The following NCALD variants were observed in gnomAD, a reference collection of about 807,000 sequenced individuals.
NCALD encodes neurocalcin delta, also known as neurocalcin-delta.
NCALD carries 10 observed loss-of-function variants against 18.6 expected under a neutral mutation model. The observed-to-expected ratio is 0.54, with a 90% CI of 0.33 to 0.91. NCALD has a LOEUF of 0.91. Ranked by LOEUF, NCALD falls within the 40% of genes least tolerant of loss-of-function variation. The pLI, the probability that NCALD is intolerant of heterozygous loss-of-function variation, is 0.03. For synonymous variants in NCALD, 88 were observed against 87.4 expected, an observed-to-expected ratio of 1.01 and a Z score of -0.04; for missense variants, 184 against 247.6, an observed-to-expected ratio of 0.74 and a Z score of 1.72.
At chr8:102,122,754 A>G (rs779850224) in intron 1 of NCALD, among the ~76,000 whole-genome samples, 1 of 152,204 alleles carries the variant, frequency 6.6e-6, no homozygotes, top group Non-Finnish European at 1.5e-5. Flanking sequence ...GGAGCTATTG[A>G]CGAATGAGCC....
intron 4 of NCALD, among the ~76,000 whole-genome samples, chr8:101,836,079 C>A (rs561824887): frequency 2.0e-4 from 30 of 151,960 alleles, no homozygotes; most frequent in Non-Finnish European, 3.5e-4. Flanking sequence ...ACTGAAGGGA[C>A]GGGGCTGTGG....
Position 102,030,878 on chromosome 8 carries a change from AAAATAAATAAAT to A in NCALD, c.-209-10601_-209-10590del, listed in dbSNP as rs71268540. Among the ~76,000 whole-genome samples the A allele has an allele frequency of 3.3e-5, 5 of 149,536 alleles. No individual in the cohort carries two copies. In the East Asian group the frequency reaches 7.7e-4, roughly 23 times the overall value. On this transcript the variant is annotated intron_variant, in intron 1 of 6. Transcript: ENST00000311028. ...GCAACAGAGTGAGACTCCATCACAA[AAAATAAATAAAT>A]AAATAAATAAATAAAATATAAAGTA... is the stretch of plus-strand genomic sequence containing the variant.
chr8:101,933,266 T>C (rs1375407217), intron 2 of NCALD, among the ~76,000 whole-genome samples: 6 of 152,204 alleles, frequency 3.9e-5, no homozygotes, highest in African/African-American at 7.2e-5. Context: ...GGAGAGATTA[T>C]CTGAAAGCAC....
intron 2 of NCALD, among the ~76,000 whole-genome samples, chr8:101,970,524 T>C (rs1165206736): frequency 1.3e-5 from 2 of 152,156 alleles, no homozygotes; most frequent in Non-Finnish European, 1.5e-5. Flanking sequence ...AAAAAATTGT[T>C]TTGGTTGTAC....
chr8:101,714,210 T>G (rs925696482), intron 2 of NCALD, among the ~76,000 whole-genome samples: 6 of 152,242 alleles, frequency 3.9e-5, no homozygotes, highest in Non-Finnish European at 5.9e-5. Flanking sequence ...TTTTCTCTGT[T>G]TGCAGATGAC....
At chr8:102,043,716 A>G (rs1823137554) in intron 1 of NCALD, among the ~76,000 whole-genome samples, 1 of 134,984 alleles carries the variant, frequency 7.4e-6, no homozygotes, top group African/African-American at 2.8e-5. Flanking sequence ...GGGGCAGGGG[A>G]CAGGGAGGGG....
chr8:102,050,895 A>T (rs528667629), intron 1 of NCALD, among the ~76,000 whole-genome samples: 1 of 146,478 alleles, frequency 6.8e-6, no homozygotes, highest in Non-Finnish European at 1.5e-5. Context: ...TTATTAATTT[A>T]ATTTAATTTT....
intron 1 of NCALD, among the ~76,000 whole-genome samples, chr8:102,101,809 G>C (rs1051382139): frequency 1.6e-4 from 24 of 152,262 alleles, no homozygotes; most frequent in African/African-American, 5.8e-4. Context: ...TTACATGAAG[G>C]GCAACTTAGC....
intron 2 of NCALD, among the ~76,000 whole-genome samples, chr8:101,942,086 G>A (rs1415331116): frequency 1.3e-5 from 2 of 152,148 alleles, no homozygotes; most frequent in Non-Finnish European, 2.9e-5. Context: ...GAAGTGAAAA[G>A]GAGAGAATCC....
chr8:101,942,793 A>T (rs1434993308), intron 2 of NCALD, among the ~76,000 whole-genome samples: 1 of 152,212 alleles, frequency 6.6e-6, no homozygotes, highest in African/African-American at 2.4e-5. Context: ...GTCACATAGC[A>T]AGTAGGTGGT....
chr8:102,086,221 C>T (rs1049715590), intron 1 of NCALD, among the ~76,000 whole-genome samples: 1 of 152,136 alleles, frequency 6.6e-6, no homozygotes, highest in Non-Finnish European at 1.5e-5. Context: ...CTTTTGTGCA[C>T]ATTTTATCAA....
chr8:102,074,089 T>G (rs1777845570), intron 1 of NCALD, among the ~76,000 whole-genome samples: 1 of 152,192 alleles, frequency 6.6e-6, no homozygotes, highest in African/African-American at 2.4e-5. Flanking sequence ...ATTCACCCAG[T>G]GACATTTACT....
At chr8:101,848,750 G>A (rs1357663858) in intron 4 of NCALD, among the ~76,000 whole-genome samples, 1 of 152,138 alleles carries the variant, frequency 6.6e-6, no homozygotes, top group Non-Finnish European at 1.5e-5. Context: ...AGAGAAAAGT[G>A]AAAGGTAAAA....
intron 1 of NCALD, among the ~76,000 whole-genome samples, chr8:102,072,832 A>T (rs964832905): frequency 6.6e-6 from 1 of 152,210 alleles, no homozygotes; most frequent in Non-Finnish European, 1.5e-5. Context: ...AAATAATTGT[A>T]TATTTTTCTG....
intron 2 of NCALD, among the ~76,000 whole-genome samples, chr8:101,949,752 G>T (rs1341877313): frequency 1.4e-5 from 2 of 145,448 alleles, no homozygotes; most frequent in African/African-American, 5.2e-5. Context: ...GCAACTGAAT[G>T]ATCCTTATGC....
intron 2 of NCALD, among the ~76,000 whole-genome samples, chr8:101,959,890 C>T (rs1270738259): frequency 8.4e-5 from 12 of 142,430 alleles, no homozygotes; most frequent in Middle Eastern, 3.5e-3. Context: ...CCTTTTCACC[C>T]CCTCAGGCTT....
upstream of NCALD, among the ~76,000 whole-genome samples, chr8:101,792,645 C>T (rs539575840): frequency 6.6e-6 from 1 of 152,282 alleles, no homozygotes; most frequent in East Asian, 1.9e-4. Flanking sequence ...AATTATTGTT[C>T]TGCTTTTATG....
chr8:102,068,233 G>A (rs1449000660), intron 1 of NCALD, among the ~76,000 whole-genome samples: 1 of 152,124 alleles, frequency 6.6e-6, no homozygotes, highest in African/African-American at 2.4e-5. Context: ...GGGAGATCTC[G>A]CGCTCCCCCA....
chr8:101,735,866 C>G (rs1478104443), intron 1 of NCALD, among the ~76,000 whole-genome samples: 2 of 152,206 alleles, frequency 1.3e-5, no homozygotes, highest in Admixed American at 1.3e-4. Context: ...GCTCCTTCTT[C>G]TTCCTTCTGA....
Sources: gnomAD v4.1 joint callset for allele counts (sites outside exome capture counted in the v4.1 genomes callset) on GRCh38, gnomAD v4.1.1 for gene constraint, MANE v1.5 for transcripts, NCBI Gene and HGNC (gene_info 2026-07-23, HGNC 2026-07-21) for gene names.